MYRFL: variants seen among roughly 807,000 people sequenced by gnomAD.
MYRFL encodes the protein myelin regulatory factor like.
MYRFL carries 88 observed loss-of-function variants against 109.4 expected under a neutral mutation model. The ratio of observed to expected loss-of-function variants is 0.80; its 90% CI spans 0.68 to 0.96. The LOEUF is 0.96. Among genes scored for constraint, MYRFL ranks in the 40% least tolerant of loss-of-function variants. The probability of loss-of-function intolerance (pLI) is 0.00; values close to 1 mark genes in which losing one functional copy is unlikely to be tolerated. For synonymous variants in MYRFL, 324 were observed against 320.9 expected, an observed-to-expected ratio of 1.01 and a Z score of -0.10; for missense variants, 957 against 954.9, an observed-to-expected ratio of 1.00 and a Z score of -0.03.
chr12:69,874,204 C>A (rs11838043), intron 2 of MYRFL, among the ~76,000 whole-genome samples: 1 of 152,000 alleles, frequency 6.6e-6, no homozygotes, highest in African/African-American at 2.4e-5. Flanking sequence ...TTTGAAATAA[C>A]TTCTCAGCCT....
At chr12:69,888,807 C>T (rs1196734273) in intron 6 of MYRFL, among the ~76,000 whole-genome samples, 2 of 152,198 alleles carry the variant, frequency 1.3e-5, no homozygotes, top group Non-Finnish European at 2.9e-5. Flanking sequence ...CATAATTCTA[C>T]CCATCTAGCC....
chr12:69,846,547 A>G (rs947870284), intron 1 of MYRFL, among the ~76,000 whole-genome samples: 4 of 151,906 alleles, frequency 2.6e-5, no homozygotes, highest in African/African-American at 9.7e-5. Context: ...TTATGGCTGC[A>G]TAGTATTCCA....
At chr12:69,911,834 A>AT (rs751626139) in intron 13 of MYRFL, among the ~76,000 whole-genome samples, 17 of 152,196 alleles carry the variant, frequency 1.1e-4, no homozygotes, top group Non-Finnish European at 1.8e-4. Context: ...CTAATTTATA[A>AT]TTTGTCAGTT....
At chr12:69,946,952 G>C (rs540750171) in intron 19 of MYRFL, 2 of 152,226 alleles carry the variant, frequency 1.3e-5, no homozygotes, top group South Asian at 4.1e-4. Flanking sequence ...GGCCCCTTCT[G>C]CCTCCTCCTG....
intron 22 of MYRFL, 126 bp from the exon 23 acceptor site, chr12:69,957,696 C>G (rs1956125747): frequency 7.7e-6 from 9 of 1,161,364 alleles, no homozygotes; most frequent in Non-Finnish European, 1.0e-5. Context: ...GATACAATGC[C>G]TATTGTGAAC....
chr12:69,949,726 T>A (rs1955929076), intron 19 of MYRFL, among the ~76,000 whole-genome samples: 1 of 152,004 alleles, frequency 6.6e-6, no homozygotes, highest in African/African-American at 2.4e-5. Context: ...ACAATTCTTC[T>A]TCCAGTGTGG....
rs577665280 is a variant in MYRFL at position 69,885,367 on chromosome 12, T to C, written c.557-1453T>C. 2.0e-5 allele frequency among the ~76,000 whole-genome samples: 3 copies of C among 152,330 alleles called. No homozygotes were observed. The East Asian group carries it at 5.8e-4, about 29-fold the overall frequency. On this transcript the variant is annotated intron_variant, in intron 5 of 24. Transcript: ENST00000552032. ...AAAAGCAACTTGAAGCAGCTCTATT[T>C]ATTTATTTTAGGAAGTCCTCAATGG...
intron 19 of MYRFL, among the ~76,000 whole-genome samples, chr12:69,943,602 C>G (rs559403504): frequency 6.6e-6 from 1 of 151,470 alleles, no homozygotes; most frequent in Non-Finnish European, 1.5e-5. Flanking sequence ...CTAGGCATTG[C>G]CATTCAGGAC....
intron 2 of MYRFL, among the ~76,000 whole-genome samples, chr12:69,861,673 G>A (rs1469339655): frequency 3.3e-5 from 5 of 152,040 alleles, no homozygotes; most frequent in Non-Finnish European, 4.4e-5. Context: ...AATAGGTTGT[G>A]AAAATTTTCT....
chr12:69,836,070 T>C (rs1378372616), intron 1 of MYRFL, among the ~76,000 whole-genome samples: 1 of 152,206 alleles, frequency 6.6e-6, no homozygotes, highest in Non-Finnish European at 1.5e-5. Flanking sequence ...CAAGGTTTTA[T>C]TGACTGGAAG....
At chr12:69,872,967 A>C (rs1455242421) in intron 2 of MYRFL, among the ~76,000 whole-genome samples, 1 of 152,222 alleles carries the variant, frequency 6.6e-6, no homozygotes. Flanking sequence ...ATCTTTTAAC[A>C]TCTAATGTAA....
intron 13 of MYRFL, among the ~76,000 whole-genome samples, chr12:69,918,294 C>T (rs1954811890): frequency 2.0e-5 from 3 of 152,034 alleles, no homozygotes; most frequent in Middle Eastern, 3.4e-3. Flanking sequence ...GAATGAGAAA[C>T]AAAAAGAACC....
At chr12:69,932,675 G>A (rs1955305697) in intron 16 of MYRFL, 77 bp downstream of exon 16, 1 of 1,070,678 alleles carries the variant, frequency 9.3e-7, no homozygotes, top group Non-Finnish European at 1.4e-6. Context: ...ATATGAACTG[G>A]GGACTGGCCT....
Position 69,936,078 on chromosome 12 carries a change from G to GTTTTTTTTTTTTTTTTTTTTT in MYRFL, c.1917-26_1917-6dup. The GTTTTTTTTTTTTTTTTTTTTT allele has an allele frequency of 1.1e-5, 10 of 891,622 alleles. 1 individual carries two copies. The Admixed American group carries it at 1.5e-4, about 14-fold the overall frequency. 55.2% of individuals were successfully genotyped at this position (891,622 alleles called of 1,614,324 possible). On this transcript the variant is annotated intron_variant, in intron 16 of 24. Coordinates refer to ENST00000552032, the MANE Select transcript of MYRFL (RefSeq NM_182530.3). The stretch of plus-strand genomic sequence containing the variant: ...TCTGGAAACAAATCTGCCACATAAT[G>GTTTTTTTTTTTTTTTTTTTTT]TTTTTTTTTTTTTTTTTTTTTTTTT...
At chr12:69,922,822 T>A (rs1954954204) in intron 13 of MYRFL, among the ~76,000 whole-genome samples, 1 of 152,200 alleles carries the variant, frequency 6.6e-6, no homozygotes, top group South Asian at 2.1e-4. Context: ...CATGCAATAG[T>A]TTTAGTAGAC....
chr12:69,936,242 T>G (rs1198387209), intron 17 of MYRFL, 41 bp from the exon 18 acceptor site: 6 of 1,535,836 alleles, frequency 3.9e-6, no homozygotes, highest in South Asian at 3.6e-5. Context: ...GAAGGATTTT[T>G]GCAGCCCTCT....
At chr12:69,882,213 A>T (rs1886165070) in intron 5 of MYRFL, among the ~76,000 whole-genome samples, 1 of 152,170 alleles carries the variant, frequency 6.6e-6, no homozygotes. Context: ...TTTAAGTCCT[A>T]TTCACAGGTC....
rs1309315538 is a variant in MYRFL, at chr12:69,958,616, T to C, written c.*85T>C. The C allele has an allele frequency of 2.0e-6, 2 of 1,013,008 alleles. No individual in the cohort carries two copies. The highest frequency in any genetic ancestry group is 2.8e-6 in the Non-Finnish European group (2 of 704,694). 62.8% of individuals were successfully genotyped at this position (1,013,008 alleles called of 1,614,324 possible). A position where few individuals can be genotyped will look rare whatever the true frequency, so the allele number is the denominator to read the frequency against. On this transcript the variant is annotated 3_prime_UTR_variant, in exon 25 of 25. Coordinates refer to ENST00000552032, the MANE Select transcript of MYRFL (RefSeq NM_182530.3). ...CGAACATCCTCTTGCAACTTCTTTT[T>C]TCTTCTTTGTAAAACATTTACGTTT...
intron 4 of MYRFL, among the ~76,000 whole-genome samples, chr12:69,879,818 C>T (rs1885948417): frequency 6.6e-6 from 1 of 152,216 alleles, no homozygotes. Context: ...TTCTTTTCTT[C>T]TGTCTTCTCC....
Sources: allele counts gnomAD v4.1 joint callset (sites outside exome capture counted in the v4.1 genomes callset), GRCh38; gene constraint gnomAD v4.1.1; transcripts MANE v1.5; gene names NCBI Gene and HGNC (gene_info 2026-07-23, HGNC 2026-07-21).